GPHN: variants seen among roughly 807,000 people sequenced by gnomAD.
The protein encoded by GPHN is gephyrin.
Under a neutral mutation model 95.5 loss-of-function variants are expected in GPHN, and 17 were observed. The ratio of observed to expected loss-of-function variants is 0.18; its 90% CI spans 0.12 to 0.27. The LOEUF is 0.27. GPHN is among the 10% of genes least tolerant of loss of function. GPHN has a pLI of 1.00. For missense variants in GPHN, 660 were observed against 978.1 expected (o/e 0.67, Z 4.34); for synonymous variants, 320 against 322.5 (o/e 0.99, Z 0.08).
intron 2 of GPHN, among the ~76,000 whole-genome samples, chr14:66,686,213 T>G (rs1156283605): frequency 1.3e-5 from 2 of 152,336 alleles, no homozygotes; most frequent in African/African-American, 4.8e-5. Context: ...TGGCTTAGGA[T>G]TGACTTGGCA....
At chr14:67,129,460 A>G (rs948163906) in intron 17 of GPHN, among the ~76,000 whole-genome samples, 8 of 152,348 alleles carry the variant, frequency 5.3e-5, no homozygotes, top group African/African-American at 1.4e-4. Context: ...AAATCAAAAG[A>G]TTATAGAAAA....
the GPHN span, among the ~76,000 whole-genome samples, chr14:67,546,651 A>G: frequency 1.3e-5 from 2 of 152,312 alleles, no homozygotes; most frequent in East Asian, 1.9e-4. Context: ...CAGCCTCCCA[A>G]AGTGCTGGGA....
chr14:67,350,667 C>T, the GPHN span: 1 of 1,613,498 alleles, frequency 6.2e-7, no homozygotes, highest in South Asian at 1.1e-5. Flanking sequence ...CTTCTCTCAT[C>T]ACTTCGCCCA....
At chr14:67,057,368 C>A (rs1248938346) in intron 10 of GPHN, among the ~76,000 whole-genome samples, 1 of 145,638 alleles carries the variant, frequency 6.9e-6, no homozygotes, top group Non-Finnish European at 1.5e-5. Context: ...CATGTTCTCA[C>A]TTAAAGTGGG....
At chr14:67,690,473 G>GGAGTCGTGGT in the GPHN span, 1 of 1,532,732 alleles carries the variant, frequency 6.5e-7, no homozygotes, top group African/African-American at 1.4e-5. Flanking sequence ...AGGAATGACA[G>GGAGTCGTGGT]GAGTCGTGGT....
intron 9 of GPHN, among the ~76,000 whole-genome samples, chr14:66,989,194 T>C (rs774741813): frequency 9.9e-5 from 15 of 152,028 alleles, no homozygotes; most frequent in Non-Finnish European, 1.9e-4. Context: ...CTTATAGAAT[T>C]TTGAAAACCA....
chr14:67,665,653 T>C, the GPHN span, among the ~76,000 whole-genome samples: 39 of 152,274 alleles, frequency 2.6e-4, no homozygotes, highest in South Asian at 1.9e-3. Flanking sequence ...CTCTGAAACA[T>C]GGAAATTTAT....
chr14:67,727,067 C>T, the GPHN span: 4 of 1,614,016 alleles, frequency 2.5e-6, no homozygotes, highest in South Asian at 3.3e-5. Context: ...GGTGGCTCAC[C>T]ACATTGGCAA....
Position 66,880,006 on chromosome 14 carries a change from A to G in GPHN, c.362A>G (p.Asn121Ser). 6.2e-7 allele frequency: 1 copy of G among 1,608,664 alleles called. No individual in the cohort carries two copies. The highest frequency in any genetic ancestry group is 8.5e-7 in the Non-Finnish European group (1 of 1,175,432). ...CTGGCAATGCTGATGGGATCACTTA[A>G]TGTTACACCTCTGGGCATGCTCTCT... is the stretch of plus-strand genomic sequence containing the variant. Reference protein sequence around the residue: ...MALAMLMGSLNVTPLGMLSRP... With the variant: ...MALAMLMGSLSVTPLGMLSRP... Residue 121 changes from asparagine (N) to serine (S), a missense_variant, in exon 5 of 23, where the codon AAT becomes AGT. This residue lies in a region of GPHN where 71 missense variants were observed against 130.8 expected (regional missense o/e 0.54). Coordinates refer to ENST00000478722, the MANE Select transcript of GPHN (RefSeq NM_020806.5).
At chr14:67,495,749 G>T in the GPHN span, among the ~76,000 whole-genome samples, 1,614 of 152,250 alleles carry the variant, frequency 0.011, 35 homozygotes, top group African/African-American at 0.037. Flanking sequence ...CTCCCAAAGT[G>T]CTGGGATTAC....
the GPHN span, among the ~76,000 whole-genome samples, chr14:67,622,822 G>A: frequency 1.3e-5 from 2 of 152,160 alleles, no homozygotes; most frequent in Admixed American, 6.5e-5. Context: ...GACAAGAAGC[G>A]GTTTCAGCCT....
chr14:66,621,726 G>C (rs1941983769), intron 1 of GPHN, among the ~76,000 whole-genome samples: 1 of 152,172 alleles, frequency 6.6e-6, no homozygotes, highest in Non-Finnish European at 1.5e-5. Context: ...CCAGCCGGCT[G>C]TGAAATCTTA....
In GPHN at chr14:67,084,805, A is replaced by G. The variant is rs551482388; in HGVS notation, c.1145-4178A>G. Among the ~76,000 whole-genome samples the G allele has an allele frequency of 2.0e-5, 3 of 152,318 alleles. No homozygotes were observed. In the East Asian group the frequency reaches 5.8e-4, roughly 29 times the overall value. On this transcript the variant is annotated intron_variant, in intron 11 of 22. Coordinates refer to ENST00000478722, the MANE Select transcript of GPHN (RefSeq NM_020806.5). ...CATGATACTTACTAGGAGGAGAAAAAGGAAAGAAAAAAGGCCTTCCTGTCC... is the reference window on the plus strand; with the variant it reads ...CATGATACTTACTAGGAGGAGAAAAGGGAAAGAAAAAAGGCCTTCCTGTCC...
the GPHN span, among the ~76,000 whole-genome samples, chr14:67,706,932 G>A: frequency 6.6e-6 from 1 of 152,182 alleles, no homozygotes; most frequent in South Asian, 2.1e-4. Context: ...CATGTCCTAT[G>A]CAGAGAAATT....
the GPHN span, chr14:67,376,505 C>T: frequency 1.1e-5 from 18 of 1,613,888 alleles, no homozygotes; most frequent in Admixed American, 1.7e-5. Context: ...GCTGGAAAGC[C>T]TATTCCAGAG....
chr14:67,091,704 T>C (rs891623648), intron 12 of GPHN, among the ~76,000 whole-genome samples: 2 of 151,972 alleles, frequency 1.3e-5, no homozygotes, highest in East Asian at 1.9e-4. Flanking sequence ...AAAAAAATGG[T>C]TGCTGTTAGC....
chr14:67,713,277 C>CA, the GPHN span, among the ~76,000 whole-genome samples: 1,710 of 148,692 alleles, frequency 0.012, 56 homozygotes, highest in East Asian at 0.1. Flanking sequence ...AAAAACAAAA[C>CA]AAAAAAAAAC....
intron 10 of GPHN, among the ~76,000 whole-genome samples, chr14:67,041,611 G>A (rs971669456): frequency 6.6e-6 from 1 of 152,034 alleles, no homozygotes; most frequent in African/African-American, 2.4e-5. Context: ...TTAATCCAGT[G>A]TATCATTGAT....
intron 4 of GPHN, among the ~76,000 whole-genome samples, chr14:66,843,922 AT>A (rs561691956): frequency 4.7e-4 from 71 of 151,876 alleles, no homozygotes; most frequent in African/African-American, 1.6e-3. Flanking sequence ...TCTTTTAATA[AT>A]TTTCCATATA....
Sources: allele counts gnomAD v4.1 joint callset (sites outside exome capture counted in the v4.1 genomes callset), GRCh38; gene constraint gnomAD v4.1.1; regional missense constraint gnomAD v4.1.1; transcripts MANE v1.5; gene names NCBI Gene and HGNC (gene_info 2026-07-23, HGNC 2026-07-21).